The following GRM8 variants were observed in gnomAD, a reference collection of about 807,000 sequenced individuals.
GRM8 encodes the protein metabotropic glutamate receptor 8.
GRM8 carries 47 observed loss-of-function variants against 87.2 expected under a neutral mutation model. The ratio of observed to expected loss-of-function variants is 0.54; its 90% CI spans 0.43 to 0.69. The LOEUF (loss-of-function observed/expected upper bound fraction) is 0.69, where lower values mean the gene tolerates loss of function less well. GRM8 is among the 30% of genes least tolerant of loss of function. The probability of loss-of-function intolerance (pLI) is 0.00; values close to 1 mark genes in which losing one functional copy is unlikely to be tolerated. For missense variants in GRM8, 1,019 were observed against 1,139.2 expected (o/e 0.89, Z 1.52); for synonymous variants, 396 against 404.5 (o/e 0.98, Z 0.25).
chr7:127,242,999 T>A lies in GRM8; in HGVS notation c.206A>T (p.Lys69Met). 1 of 1,614,122 alleles carries A rather than the reference T, an allele frequency of 6.2e-7. No individual in the cohort carries two copies. Among genetic ancestry groups the A allele is most frequent in the Non-Finnish European group, 8.5e-7 (1 of 1,180,004 alleles). ...CTCCAGTCTGTGAATCCCCTTTTCC[T>A]TCTTCAGCTCCCCACAAGGCACCCC... ...ERGVPCGELKKEKGIHRLEAM... is the reference protein window; with the variant it reads ...ERGVPCGELKMEKGIHRLEAM... The change falls in exon 2 of 11, where the codon AAG becomes ATG. Residue 69 changes from lysine to methionine, a missense_variant. Coordinates refer to ENST00000339582, the MANE Select transcript of GRM8 (RefSeq NM_000845.3).
chr7:126,486,595 G>A (rs960480314), intron 9 of GRM8, among the ~76,000 whole-genome samples: 2 of 151,962 alleles, frequency 1.3e-5, no homozygotes, highest in Non-Finnish European at 2.9e-5. Flanking sequence ...AATCTTGATA[G>A]GGCTCATGAC....
intron 9 of GRM8, among the ~76,000 whole-genome samples, chr7:126,488,226 A>G (rs1281585373): frequency 6.6e-6 from 1 of 152,084 alleles, no homozygotes; most frequent in Non-Finnish European, 1.5e-5. Flanking sequence ...AGAATGACTA[A>G]TAACTGTTTT....
intron 2 of GRM8, among the ~76,000 whole-genome samples, chr7:127,127,337 A>G (rs1477216811): frequency 1.3e-5 from 2 of 152,104 alleles, no homozygotes; most frequent in African/African-American, 4.8e-5. Context: ...TTGTACTCAA[A>G]TGTTCACTAC....
intron 7 of GRM8, among the ~76,000 whole-genome samples, chr7:126,668,618 C>T (rs985810120): frequency 6.6e-6 from 1 of 152,196 alleles, no homozygotes; most frequent in Non-Finnish European, 1.5e-5. Context: ...CAGCCTTCCA[C>T]CTCCCTGGTC....
intron 9 of GRM8, among the ~76,000 whole-genome samples, chr7:126,485,054 A>C (rs1046428809): frequency 1.3e-5 from 2 of 151,968 alleles, no homozygotes; most frequent in Admixed American, 6.6e-5. Flanking sequence ...AACTCTCCTA[A>C]CTAGTATTTG....
chr7:126,568,689 C>A (rs1327489663), intron 8 of GRM8, among the ~76,000 whole-genome samples: 1 of 151,878 alleles, frequency 6.6e-6, no homozygotes, highest in Non-Finnish European at 1.5e-5. Flanking sequence ...TATAAATGAC[C>A]ACATTAAAGT....
intron 7 of GRM8, among the ~76,000 whole-genome samples, chr7:126,658,375 G>A (rs1281510717): frequency 6.6e-6 from 1 of 152,094 alleles, no homozygotes; most frequent in Non-Finnish European, 1.5e-5. Context: ...GAGGGAGAAA[G>A]CAAAATGATT....
At chr7:126,914,505 C>A (rs112820361) in intron 3 of GRM8, among the ~76,000 whole-genome samples, 2 of 152,122 alleles carry the variant, frequency 1.3e-5, no homozygotes, top group Admixed American at 6.5e-5. Context: ...ATAGCAAAGA[C>A]GTGGAATCAA....
At position 126,660,815 on chromosome 7, in the gene GRM8, C is replaced by A. The variant is rs142037990; in HGVS notation, c.1358-51317G>T. The stretch of plus-strand genomic sequence containing the variant: ...ACTGTCATTCTTATAACGAGCACTA[C>A]CTTTAAATATTTTTTGGGAAAGTCC... On this transcript the variant is annotated intron_variant, in intron 7 of 10. Transcript: ENST00000339582. Among the ~76,000 whole-genome samples the A allele has an allele frequency of 1.9e-3, 289 of 152,322 alleles. 2 individuals are homozygous for A. The highest frequency in any genetic ancestry group is 6.8e-3 in the Middle Eastern group (2 of 294).
chr7:126,692,956 A>G (rs1489960652), intron 7 of GRM8, among the ~76,000 whole-genome samples: 1 of 152,210 alleles, frequency 6.6e-6, no homozygotes, highest in African/African-American at 2.4e-5. Flanking sequence ...TTGTTTATAT[A>G]ACTATCCTTA....
At chr7:127,100,035 C>T (rs1825078398) in intron 3 of GRM8, among the ~76,000 whole-genome samples, 1 of 152,020 alleles carries the variant, frequency 6.6e-6, no homozygotes, top group African/African-American at 2.4e-5. Context: ...CCAAGGAATA[C>T]CAGGGATTGT....
intron 6 of GRM8, among the ~76,000 whole-genome samples, chr7:126,824,389 T>TAAAATG (rs1794574996): frequency 6.6e-6 from 1 of 152,184 alleles, no homozygotes; most frequent in Non-Finnish European, 1.5e-5. Flanking sequence ...AACCAATAAA[T>TAAAATG]AAAATGTACT....
intron 2 of GRM8, among the ~76,000 whole-genome samples, chr7:127,212,500 C>G (rs923419696): frequency 2.7e-5 from 4 of 145,686 alleles, no homozygotes; most frequent in African/African-American, 1.0e-4. Flanking sequence ...TCACTGCAAG[C>G]TCCGCCTCCC....
At chr7:127,220,978 C>A (rs1796892365) in intron 2 of GRM8, among the ~76,000 whole-genome samples, 1 of 152,162 alleles carries the variant, frequency 6.6e-6, no homozygotes, top group African/African-American at 2.4e-5. Context: ...TGGTCCCTAG[C>A]CCCCAAGGTA....
rs542095720 is a variant in GRM8, at chr7:126,747,661, A to T, written c.1357+22204T>A. ...ACTAACAAAAATATATACAGTATTCACTGTATTTTCTTTATGCTTACCTTT... is the reference window on the plus strand; with the variant it reads ...ACTAACAAAAATATATACAGTATTCTCTGTATTTTCTTTATGCTTACCTTT... On this transcript the variant is annotated intron_variant, in intron 7 of 10. Coordinates refer to ENST00000339582, the MANE Select transcript of GRM8 (RefSeq NM_000845.3). Among the ~76,000 whole-genome samples, 190 of 152,124 alleles carry T rather than the reference A, an allele frequency of 1.2e-3. 1 individual carries two copies. Among genetic ancestry groups the T allele is most frequent in the Non-Finnish European group, 2.3e-3 (153 of 67,888 alleles).
chr7:126,705,614 G>A (rs1810419365), intron 7 of GRM8, among the ~76,000 whole-genome samples: 1 of 152,058 alleles, frequency 6.6e-6, no homozygotes, highest in Admixed American at 6.6e-5. Context: ...TATGTAATCA[G>A]TTAAAAAGTT....
intron 6 of GRM8, among the ~76,000 whole-genome samples, chr7:126,832,463 C>A (rs767545418): frequency 7.2e-5 from 11 of 151,970 alleles, no homozygotes; most frequent in Non-Finnish European, 1.3e-4. Flanking sequence ...ATGAAGCCAA[C>A]AAAAAAACAC....
At chr7:127,058,081 A>C (rs758712873) in intron 3 of GRM8, 2 of 476,636 alleles carry the variant, frequency 4.2e-6, no homozygotes, top group South Asian at 1.6e-5. Flanking sequence ...TCACGTCTTT[A>C]ACTGGCGTTG....
intron 6 of GRM8, among the ~76,000 whole-genome samples, chr7:126,871,237 T>C (rs183739312): frequency 1.3e-3 from 201 of 152,308 alleles, no homozygotes; most frequent in African/African-American, 4.6e-3. Flanking sequence ...TCGTTCTCTA[T>C]AAGCCTATGC....
Sources: allele counts gnomAD v4.1 joint callset (sites outside exome capture counted in the v4.1 genomes callset), GRCh38; gene constraint gnomAD v4.1.1; transcripts MANE v1.5; gene names NCBI Gene and HGNC (gene_info 2026-07-23, HGNC 2026-07-21).